Variants in TENM2 observed in about 807,000 individuals in gnomAD.
TENM2 encodes the protein teneurin transmembrane protein 2.
Under a neutral mutation model 245.2 loss-of-function variants are expected in TENM2, and 52 were observed. The observed-to-expected ratio is 0.21, with a 90% CI of 0.17 to 0.27. TENM2 has a LOEUF of 0.27. TENM2 is among the 10% of genes least tolerant of loss of function. The probability of loss-of-function intolerance (pLI) is 1.00; values close to 1 mark genes in which losing one functional copy is unlikely to be tolerated. For missense variants in TENM2, 3,046 were observed against 3,666.8 expected (o/e 0.83, Z 4.37); for synonymous variants, 1,363 against 1,438.9 (o/e 0.95, Z 1.19).
intron 2 of TENM2, among the ~76,000 whole-genome samples, chr5:167,553,556 G>T (rs970676989): frequency 6.6e-6 from 1 of 152,172 alleles, no homozygotes; most frequent in African/African-American, 2.4e-5. Flanking sequence ...AACTAGAGTG[G>T]TGGATAATGA....
chr5:167,450,415 C>CA (rs1765507445), intron 2 of TENM2, among the ~76,000 whole-genome samples: 2 of 152,142 alleles, frequency 1.3e-5, no homozygotes, highest in South Asian at 4.1e-4. Flanking sequence ...CTCTCTCCTT[C>CA]TAGAATATAA....
chr5:167,673,824 A>G (rs1388841998), intron 2 of TENM2, among the ~76,000 whole-genome samples: 3 of 151,838 alleles, frequency 2.0e-5, no homozygotes, highest in African/African-American at 7.3e-5. Context: ...GTCTATTTGA[A>G]CCCTGCAGGC....
intron 8 of TENM2, among the ~76,000 whole-genome samples, chr5:168,095,650 A>G (rs1793304191): frequency 6.6e-6 from 1 of 152,174 alleles, no homozygotes; most frequent in South Asian, 2.1e-4. Context: ...AGGGGACTAT[A>G]TCTGTCTTTG....
At position 167,342,507 on chromosome 5, in the gene TENM2, C is replaced by CTTTTTTTTTTT. The variant is rs35451881; in HGVS notation, c.227-32670_227-32660dup. Reference sequence around the variant, plus strand: ...CAGGTTTCTCAACTGTAAAGTTATTCTTTTTTTTTTTTTTTTTTTTTTTTT... The same window carrying CTTTTTTTTTTT: ...CAGGTTTCTCAACTGTAAAGTTATTCTTTTTTTTTTTTTTTTTTTTTTTTTTTTTTTTTTTT... On this transcript the variant is annotated intron_variant, in intron 1 of 28. Coordinates refer to ENST00000518659, the Ensembl canonical transcript of TENM2. Among the ~76,000 whole-genome samples the CTTTTTTTTTTT allele has an allele frequency of 2.9e-4, 16 of 54,288 alleles. 3 individuals are homozygous for CTTTTTTTTTTT. The highest frequency in any genetic ancestry group is 4.8e-4 in the African/African-American group (6 of 12,438). 35.6% of individuals were successfully genotyped at this position (54,288 alleles called of 152,430 possible). A position where few individuals can be genotyped will look rare whatever the true frequency, so the allele number is the denominator to read the frequency against.
At chr5:167,000,718 T>G in the TENM2 span, among the ~76,000 whole-genome samples, 1 of 152,218 alleles carries the variant, frequency 6.6e-6, no homozygotes, top group Admixed American at 6.5e-5. Flanking sequence ...CACTACCTTG[T>G]ACAGAGCTTG....
the TENM2 span, among the ~76,000 whole-genome samples, chr5:167,246,463 AATCT>A: frequency 6.6e-6 from 1 of 151,826 alleles, no homozygotes; most frequent in Admixed American, 6.6e-5. Flanking sequence ...AATATGAAAG[AATCT>A]ATATGTATAT....
chr5:167,389,105 C>T (rs1170741349), intron 2 of TENM2, among the ~76,000 whole-genome samples: 3 of 151,796 alleles, frequency 2.0e-5, no homozygotes, highest in Non-Finnish European at 2.9e-5. Context: ...CTGAAAAAGT[C>T]CAATTTTTAT....
chr5:167,242,046 G>GTTTTTTTTTTTTTTT, the TENM2 span, among the ~76,000 whole-genome samples: 1 of 131,500 alleles, frequency 7.6e-6, no homozygotes, highest in African/African-American at 2.8e-5. Flanking sequence ...TTTGTTTTTT[G>GTTTTTTTTTTTTTTT]TTTTTTTTTT....
chr5:167,307,524 T>G (rs1265903436), intron 1 of TENM2, among the ~76,000 whole-genome samples: 1 of 152,026 alleles, frequency 6.6e-6, no homozygotes, highest in Middle Eastern at 3.2e-3. Context: ...AACAAACCTT[T>G]AGGGACCATC....
intron 2 of TENM2, among the ~76,000 whole-genome samples, chr5:167,872,043 C>T (rs1015063706): frequency 1.7e-4 from 26 of 151,914 alleles, no homozygotes; most frequent in Admixed American, 3.3e-4. Context: ...CCTGTAATTC[C>T]AGCACTTTGG....
At chr5:167,752,709 G>A (rs1240895622) in intron 2 of TENM2, among the ~76,000 whole-genome samples, 4 of 152,134 alleles carry the variant, frequency 2.6e-5, no homozygotes, top group South Asian at 2.1e-4. Flanking sequence ...CCACCTATAC[G>A]TGAGCGTGGC....
At chr5:167,087,901 T>C in the TENM2 span, among the ~76,000 whole-genome samples, 3 of 152,186 alleles carry the variant, frequency 2.0e-5, no homozygotes, top group Admixed American at 1.3e-4. Flanking sequence ...GCAATTCTCC[T>C]GCCTCAGCCT....
chr5:168,156,247 T>TAAAAAAA (rs58825054), intron 12 of TENM2, among the ~76,000 whole-genome samples: 3,265 of 80,640 alleles, frequency 0.04, 177 homozygotes, highest in African/African-American at 0.1. Flanking sequence ...TCCCCATAGT[T>TAAAAAAA]AAAAAAAAAA....
the TENM2 span, among the ~76,000 whole-genome samples, chr5:167,037,059 T>G: frequency 1.3e-5 from 2 of 152,242 alleles, no homozygotes; most frequent in African/African-American, 4.8e-5. Flanking sequence ...AATCCCATTT[T>G]CAACAAACTA....
the TENM2 span, among the ~76,000 whole-genome samples, chr5:167,276,105 G>A: frequency 2.3e-4 from 35 of 151,856 alleles, no homozygotes; most frequent in African/African-American, 3.9e-4. Flanking sequence ...ATTTGCTATC[G>A]TAAGGATTTT....
chr5:167,020,645 A>G, the TENM2 span, among the ~76,000 whole-genome samples: 2 of 152,168 alleles, frequency 1.3e-5, no homozygotes, highest in South Asian at 4.1e-4. Context: ...TTTTGGAGGT[A>G]TAGGTTTTTA....
At chr5:167,039,932 A>G in the TENM2 span, among the ~76,000 whole-genome samples, 1 of 152,214 alleles carries the variant, frequency 6.6e-6, no homozygotes, top group Non-Finnish European at 1.5e-5. Flanking sequence ...ACATGGCTGC[A>G]TTGTGGGGCT....
intron 2 of TENM2, among the ~76,000 whole-genome samples, chr5:167,583,996 A>C (rs1456712868): frequency 6.6e-6 from 1 of 152,216 alleles, no homozygotes; most frequent in East Asian, 1.9e-4. Context: ...AGTTTAAATT[A>C]GGAGCTCCCA....
chr5:167,321,801 T>TTTTTTTGTGTGGG (rs67957514), intron 1 of TENM2, among the ~76,000 whole-genome samples: 1 of 7,282 alleles, frequency 1.4e-4, no homozygotes, highest in Admixed American at 1.7e-3. Flanking sequence ...TTTTTTTTTT[T>TTTTTTTGTGTGGG]GGGGGGGGGG....
Sources: allele counts gnomAD v4.1 joint callset (sites outside exome capture counted in the v4.1 genomes callset), GRCh38; gene constraint gnomAD v4.1.1; transcripts MANE v1.5; gene names NCBI Gene and HGNC (gene_info 2026-07-23, HGNC 2026-07-21).